The following CASTOR2 variants were observed in gnomAD, a reference collection of about 807,000 sequenced individuals.
CASTOR2 encodes cytosolic arginine sensor for mTORC1 subunit 2, also known as GATS protein like 2.
In CASTOR2, 8 loss-of-function variants were observed where a neutral mutation model predicts 31.2. That is an observed-to-expected ratio of 0.26 (90% CI 0.15 to 0.46). The LOEUF (loss-of-function observed/expected upper bound fraction) is 0.46, where lower values mean the gene tolerates loss of function less well. Ranked by LOEUF, CASTOR2 falls within the 20% of genes least tolerant of loss-of-function variation. CASTOR2 has a pLI of 0.99. For synonymous variants in CASTOR2, 162 were observed against 158.7 expected (o/e 1.02, Z -0.16); for missense variants, 216 against 382.1 (o/e 0.57, Z 3.62).
intron 1 of CASTOR2, among the ~76,000 whole-genome samples, chr7:74,978,092 T>G (rs1218621587): frequency 6.6e-6 from 1 of 150,440 alleles, no homozygotes; most frequent in Non-Finnish European, 1.5e-5. Flanking sequence ...GAGGTTTTGC[T>G]TGCACACCCC....
intron 1 of CASTOR2, among the ~76,000 whole-genome samples, chr7:74,983,875 G>T (rs1804003377): frequency 6.6e-6 from 1 of 151,332 alleles, no homozygotes; most frequent in African/African-American, 2.4e-5. Context: ...GCAGCTCCTG[G>T]ACTCAAGGGT....
At chr7:75,021,030 T>C (rs1341274017) in intron 6 of CASTOR2, among the ~76,000 whole-genome samples, 6 of 151,238 alleles carry the variant, frequency 4.0e-5, no homozygotes, top group Admixed American at 2.6e-4. Context: ...CTCACTCTGT[T>C]GCCCAGGCTG....
At chr7:74,979,078 G>A (rs1803891716) in intron 1 of CASTOR2, among the ~76,000 whole-genome samples, 1 of 151,964 alleles carries the variant, frequency 6.6e-6, no homozygotes, top group Non-Finnish European at 1.5e-5. Context: ...GAGGTGGAAG[G>A]ATCGCTTGAC....
rs1805272409 is a variant in CASTOR2 at position 75,030,498 on chromosome 7, AG to A, written c.*5800del. Among the ~76,000 whole-genome samples, 1 of 152,188 alleles carries A rather than the reference AG, an allele frequency of 6.6e-6. No homozygotes were observed. Among genetic ancestry groups the A allele is most frequent in the Non-Finnish European group, 1.5e-5 (1 of 68,038 alleles). ...GGAGGGGGGCAAAGGTGTCAGGAAC[AG>A]TTTGAGCAGTTCTGGCTCAGGGTCA... On this transcript the variant is annotated 3_prime_UTR_variant, in exon 9 of 9. Coordinates refer to ENST00000616305, the MANE Select transcript of CASTOR2 (RefSeq NM_001145064.3).
rs1351034788 is a variant in CASTOR2 at position 75,030,789 on chromosome 7, C to T, written c.*6090C>T. 6.6e-6 allele frequency among the ~76,000 whole-genome samples: 1 copy of T among 152,160 alleles called. No individual in the cohort carries two copies. Among genetic ancestry groups the T allele is most frequent in the Admixed American group, 6.5e-5 (1 of 15,274 alleles). On this transcript the variant is annotated 3_prime_UTR_variant, in exon 9 of 9. Transcript: ENST00000616305. The stretch of plus-strand genomic sequence containing the variant: ...CCACCATGCTCTGGTTTGATACAGC[C>T]CAGCTCTGATTGGAAGGGGCTGGGG...
chr7:74,995,852 G>GTA (rs1804334403), intron 1 of CASTOR2, among the ~76,000 whole-genome samples: 1 of 151,898 alleles, frequency 6.6e-6, no homozygotes, highest in Non-Finnish European at 1.5e-5. Context: ...GTGTGCACCT[G>GTA]TAGTTGCAGC....
At chr7:75,009,836 G>A (rs1199872923) in intron 2 of CASTOR2, among the ~76,000 whole-genome samples, 1 of 151,450 alleles carries the variant, frequency 6.6e-6, no homozygotes, top group Admixed American at 6.6e-5. Flanking sequence ...TTCTCTGCCT[G>A]GAAAGCACCC....
At position 75,028,196 on chromosome 7, in the gene CASTOR2, C is replaced by A; in HGVS notation, c.*3497C>A. The A allele has an allele frequency of 1.1e-6, 1 of 934,570 alleles. No individual in the cohort carries two copies. Among genetic ancestry groups the A allele is most frequent in the South Asian group, 1.8e-5 (1 of 56,338 alleles). The allele number at this position is 934,570 out of a possible 1,614,324, so 57.9% of individuals were successfully genotyped here. On this transcript the variant is annotated 3_prime_UTR_variant, in exon 9 of 9. Transcript: ENST00000616305. ...GCTGTGGCATGATCTCAGCTCACTG[C>A]AGCAACCTCCACTTCCTGGGTTCAA...
Position 75,031,183 on chromosome 7 carries a change from G to A in CASTOR2, c.*6484G>A, listed in dbSNP as rs1169638282. On this transcript the variant is annotated 3_prime_UTR_variant, in exon 9 of 9. Transcript: ENST00000616305. ...CCGTTATCCTGAGATGGGGGTGAGT[G>A]GATGGATGGTGTACTGAGGGGCCTC... Among the ~76,000 whole-genome samples, 1 of 152,118 alleles carries A rather than the reference G, an allele frequency of 6.6e-6. No individual in the cohort carries two copies. Among genetic ancestry groups the A allele is most frequent in the Non-Finnish European group, 1.5e-5 (1 of 68,016 alleles).
chr7:74,984,448 T>C (rs1196099928), intron 1 of CASTOR2, among the ~76,000 whole-genome samples: 1 of 151,946 alleles, frequency 6.6e-6, no homozygotes, highest in African/African-American at 2.4e-5. Context: ...GTGCTCTCAG[T>C]AGAAATTGGG....
chr7:74,991,951 C>T (rs1804222183), intron 1 of CASTOR2, among the ~76,000 whole-genome samples: 1 of 152,064 alleles, frequency 6.6e-6, no homozygotes, highest in Admixed American at 6.6e-5. Context: ...GCCTTTGCCT[C>T]TACTGTGCAG....
At chr7:74,977,879 A>G (rs2528981) in intron 1 of CASTOR2, among the ~76,000 whole-genome samples, 3,694 of 150,740 alleles carry the variant, frequency 0.025, 142 homozygotes, top group Non-Finnish European at 0.036. Context: ...GGGTCTCACT[A>G]TGTTGCCCAG....
intron 1 of CASTOR2, among the ~76,000 whole-genome samples, chr7:74,977,132 C>G (rs1405737245): frequency 5.1e-5 from 7 of 136,854 alleles, no homozygotes; most frequent in Admixed American, 2.4e-4. Flanking sequence ...TGCAGTGAGC[C>G]GAAATCGTGC....
intron 1 of CASTOR2, among the ~76,000 whole-genome samples, chr7:75,003,976 G>A (rs1449698603): frequency 1.2e-4 from 18 of 152,232 alleles, no homozygotes; most frequent in African/African-American, 4.3e-4. Flanking sequence ...CACACAGGCC[G>A]CTGTTGCCTT....
chr7:75,000,530 C>A (rs1174076872), intron 1 of CASTOR2, among the ~76,000 whole-genome samples: 1 of 152,118 alleles, frequency 6.6e-6, no homozygotes, highest in Non-Finnish European at 1.5e-5. Context: ...TGTAAACAGG[C>A]GCCCATAACA....
At chr7:75,017,559 C>T in intron 2 of CASTOR2, 39 bp from the exon 3 acceptor site, 2 of 1,606,096 alleles carry the variant, frequency 1.2e-6, no homozygotes, top group Non-Finnish European at 1.7e-6. Flanking sequence ...CATCTGGAAC[C>T]TCAGCAGTCA....
In CASTOR2 at chr7:75,018,070, C is replaced by A. The variant is rs1804908115; in HGVS notation, c.459C>A (p.Thr153=). The change falls in exon 4 of 9, where the codon ACC becomes ACA. Residue 153 remains threonine, a synonymous_variant. Transcript: ENST00000616305. ...FTILRVVNGE[T]VAAENLGITN... is the part of the protein sequence containing the mutation. Reference sequence around the variant, plus strand: ...TCCTGCGGGTCGTCAATGGCGAGACCGTGGCAGCCGAGAACCTCGGCATCA... The same window carrying A: ...TCCTGCGGGTCGTCAATGGCGAGACAGTGGCAGCCGAGAACCTCGGCATCA... 6 of 1,614,136 alleles carry A rather than the reference C, an allele frequency of 3.7e-6. No homozygotes were observed. The Middle Eastern group carries it at 4.9e-4, about 133-fold the overall frequency.
chr7:75,017,126 T>C (rs1804881780), intron 2 of CASTOR2, among the ~76,000 whole-genome samples: 1 of 148,880 alleles, frequency 6.7e-6, no homozygotes, highest in Non-Finnish European at 1.5e-5. Flanking sequence ...CACTCCAGCC[T>C]GGGTGACAGA....
Position 75,030,385 on chromosome 7 carries a change from G to T in CASTOR2, c.*5686G>T, listed in dbSNP as rs1297898907. On this transcript the variant is annotated 3_prime_UTR_variant, in exon 9 of 9. Transcript: ENST00000616305. ...TGCAGAAATGATTAGGTGAGTGAGG[G>T]CAGGACTCGAATGCAGACCCTGGCT... Among the ~76,000 whole-genome samples, 1 of 152,156 alleles carries T rather than the reference G, an allele frequency of 6.6e-6. No individual in the cohort carries two copies. The highest frequency in any genetic ancestry group is 1.5e-5 in the Non-Finnish European group (1 of 68,034).
Sources: allele counts gnomAD v4.1 joint callset (sites outside exome capture counted in the v4.1 genomes callset), GRCh38; gene constraint gnomAD v4.1.1; transcripts MANE v1.5; gene names NCBI Gene and HGNC (gene_info 2026-07-23, HGNC 2026-07-21).